Variants in INSR observed in about 807,000 individuals in gnomAD.
The protein encoded by INSR is insulin receptor.
INSR carries 67 observed loss-of-function variants against 142.6 expected under a neutral mutation model. That is an observed-to-expected ratio of 0.47 (90% CI 0.39 to 0.58). The LOEUF (loss-of-function observed/expected upper bound fraction) is 0.58, where lower values mean the gene tolerates loss of function less well. Ranked by LOEUF, INSR falls within the 20% of genes least tolerant of loss-of-function variation. The probability of loss-of-function intolerance (pLI) is 0.00; values close to 1 mark genes in which losing one functional copy is unlikely to be tolerated. For missense variants in INSR, 1,248 were observed against 1,833.2 expected (o/e 0.68, Z 5.83); for synonymous variants, 756 against 743.1 (o/e 1.02, Z -0.28).
intron 1 of INSR, among the ~76,000 whole-genome samples, chr19:7,284,677 C>T (rs549983155): frequency 5.9e-5 from 9 of 152,104 alleles, no homozygotes; most frequent in Non-Finnish European, 8.8e-5. Flanking sequence ...TACAGGCGCC[C>T]GCCACCACAC....
At chr19:7,134,495 G>T (rs933860201) in intron 13 of INSR, among the ~76,000 whole-genome samples, 1 of 151,602 alleles carries the variant, frequency 6.6e-6, no homozygotes, top group South Asian at 2.1e-4. Flanking sequence ...GCCCGGGCAC[G>T]GTGGCTCATG....
At position 7,113,717 on chromosome 19, in the gene INSR, G is replaced by A. The variant is rs1440127682; in HGVS notation, c.*3339C>T. 1 of 152,148 alleles carries A rather than the reference G, an allele frequency of 6.6e-6. No individual in the cohort carries two copies. Among genetic ancestry groups the A allele is most frequent in the Non-Finnish European group, 1.5e-5 (1 of 68,016 alleles). 9.4% of individuals were successfully genotyped at this position (152,148 alleles called of 1,614,324 possible). On this transcript the variant is annotated 3_prime_UTR_variant, in exon 22 of 22. Coordinates refer to ENST00000302850, the MANE Select transcript of INSR (RefSeq NM_000208.4). ...ACAACCGTGTCTTTCTAGGACCAAA[G>A]TTTTATTGTTACAAAGTCAACATTT...
intron 2 of INSR, among the ~76,000 whole-genome samples, chr19:7,197,150 G>A (rs1974771603): frequency 6.6e-6 from 1 of 152,244 alleles, no homozygotes; most frequent in Non-Finnish European, 1.5e-5. Context: ...CTTGAAGCGG[G>A]GAAGCGCCCC....
Position 7,267,983 on chromosome 19 carries a change from T to G in INSR, c.101-87A>C. 8.6e-7 allele frequency: 1 copy of G among 1,162,730 alleles called. No homozygotes were observed. Among genetic ancestry groups the G allele is most frequent in the Non-Finnish European group, 1.3e-6 (1 of 793,114 alleles). 72.0% of individuals were successfully genotyped at this position (1,162,730 alleles called of 1,614,324 possible). A position where few individuals can be genotyped will look rare whatever the true frequency, so the allele number is the denominator to read the frequency against. On this transcript the variant is annotated intron_variant, in intron 1 of 21. Coordinates refer to ENST00000302850, the MANE Select transcript of INSR (RefSeq NM_000208.4). The surrounding 1 kb of genome is among the most constrained non-coding windows in gnomAD (Gnocchi z 6.3). ...AGGATCAGGGGCAGAGCCGGCTTCA[T>G]GGACAGGAAACCTGGGCCCTGTGTT...
chr19:7,222,149 C>CAAA (rs1568496011), intron 2 of INSR, among the ~76,000 whole-genome samples: 1 of 76,236 alleles, frequency 1.3e-5, no homozygotes, highest in African/African-American at 5.5e-5. Context: ...AAAAAAAAAT[C>CAAA]AGGAGTGACC....
chr19:7,174,763 A>C, intron 3 of INSR, 32 bp from the exon 4 acceptor site: 1 of 1,606,354 alleles, frequency 6.2e-7, no homozygotes, highest in Non-Finnish European at 8.5e-7. Flanking sequence ...AGAGAAAGAG[A>C]AAGGGGAGGG....
chr19:7,284,075 T>G (rs113651541), intron 1 of INSR, among the ~76,000 whole-genome samples: 3 of 151,288 alleles, frequency 2.0e-5, no homozygotes, highest in East Asian at 1.9e-4. Flanking sequence ...TTTTTTTGGG[T>G]TTTTTTTGAG....
chr19:7,170,906 G>C (rs1012101843), intron 5 of INSR, among the ~76,000 whole-genome samples, 155 bp from the exon 6 acceptor site: 14 of 152,106 alleles, frequency 9.2e-5, no homozygotes, highest in Non-Finnish European at 1.5e-5. Flanking sequence ...GTTGAATGTG[G>C]ATAACAGAGG....
intron 9 of INSR, among the ~76,000 whole-genome samples, chr19:7,161,050 C>T (rs1191274023): frequency 6.7e-6 from 1 of 148,196 alleles, no homozygotes; most frequent in Non-Finnish European, 1.5e-5. Context: ...AATGTATACA[C>T]ACTAGTTTGA....
chr19:7,172,286 G>A lies in INSR; in HGVS notation c.1268+4C>T, dbSNP rs185806326. ...AGGCCATACACACAATCAGGCCCAC[G>A]TACCCAATTTCCAAGGTCTCTCCTC... On this transcript the variant is annotated splice_donor_region_variant and intron_variant, in intron 5 of 21. Transcript: ENST00000302850. The A allele has an allele frequency of 2.2e-5, 36 of 1,613,940 alleles. 1 individual carries two copies. The highest frequency in any genetic ancestry group is 2.2e-4 in the Admixed American group (13 of 59,986).
chr19:7,136,828 CATAT>C (rs57665258), intron 13 of INSR, among the ~76,000 whole-genome samples: 115,151 of 139,792 alleles, frequency 0.82, 48,249 homozygotes, highest in East Asian at 0.92. Flanking sequence ...TATTTATTTA[CATAT>C]ATATATATAT....
chr19:7,231,888 A>G (rs1362627365), intron 2 of INSR, among the ~76,000 whole-genome samples: 1 of 151,902 alleles, frequency 6.6e-6, no homozygotes, highest in Non-Finnish European at 1.5e-5. Context: ...CTGGGATTAC[A>G]GGCATAAGCC....
At chr19:7,227,802 GTTTTGT>G (rs140475272) in intron 2 of INSR, among the ~76,000 whole-genome samples, 3 of 151,954 alleles carry the variant, frequency 2.0e-5, no homozygotes, top group South Asian at 2.1e-4. Flanking sequence ...GGTACAGATT[GTTTTGT>G]TTTTGTTTTT....
intron 21 of INSR, among the ~76,000 whole-genome samples, chr19:7,118,907 T>C (rs1243609871): frequency 1.0e-5 from 1 of 100,502 alleles, no homozygotes; most frequent in Non-Finnish European, 1.9e-5. Flanking sequence ...AGAGCAAGAT[T>C]CCGTCTCAAA....
Position 7,152,862 on chromosome 19 carries a change from G to C in INSR, c.2095C>G (p.Gln699Glu), listed in dbSNP as rs121913137. The change falls in exon 10 of 22, where the codon CAG becomes GAG. Residue 699 changes from glutamine (Q) to glutamate (E), a missense_variant. Around this residue, in one of 3 missense-constraint regions of INSR, gnomAD observed 1,069 missense variants for 1,654.0 expected, o/e 0.65. Coordinates refer to ENST00000302850, the MANE Select transcript of INSR (RefSeq NM_000208.4). ...CCGGCCGAATCCTCATACTCACTCTGGTTGTGCTTCTGAGAATCTTCAGAC... is the reference window on the plus strand; with the variant it reads ...CCGGCCGAATCCTCATACTCACTCTCGTTGTGCTTCTGAGAATCTTCAGAC... ...FESEDSQKHN[Q>E]SEYEDSAGEC... The C allele has an allele frequency of 1.2e-6, 2 of 1,613,272 alleles. No individual in the cohort carries two copies. Among genetic ancestry groups the C allele is most frequent in the Non-Finnish European group, 1.7e-6 (2 of 1,179,896 alleles).
In INSR at chr19:7,150,862, C is replaced by T; in HGVS notation, c.2232-330G>A. ...CTGGCAGAATTTTTCTTTTCTTTCC[C>T]TTCTTTCTTCTTTCTCTCTCTCTTT... On this transcript the variant is annotated intron_variant, in intron 10 of 21. Transcript: ENST00000302850. This position sits in a 1 kb window ranked among gnomAD's most constrained non-coding sequence, Gnocchi z 4.2. Among the ~76,000 whole-genome samples the T allele has an allele frequency of 6.6e-6, 1 of 151,944 alleles. No individual in the cohort carries two copies. The highest frequency in any genetic ancestry group is 1.9e-4 in the East Asian group (1 of 5,192).
At chr19:7,148,911 C>T (rs888685436) in intron 11 of INSR, among the ~76,000 whole-genome samples, 1 of 150,664 alleles carries the variant, frequency 6.6e-6, no homozygotes, top group Non-Finnish European at 1.5e-5. Flanking sequence ...TCTCCTGCCT[C>T]AGCCTCCCGA....
At chr19:7,261,372 A>T (rs2145196994) in intron 2 of INSR, among the ~76,000 whole-genome samples, 1 of 151,874 alleles carries the variant, frequency 6.6e-6, no homozygotes, top group East Asian at 1.9e-4. Context: ...AACTGCATAG[A>T]CCCCGTCTCC....
chr19:7,221,391 AG>A (rs1975608364), intron 2 of INSR, among the ~76,000 whole-genome samples: 1 of 143,620 alleles, frequency 7.0e-6, no homozygotes, highest in Non-Finnish European at 1.5e-5. Context: ...GAGGAGGAGG[AG>A]GAGGAGGAGG....
Sources: gnomAD v4.1 joint callset for allele counts (sites outside exome capture counted in the v4.1 genomes callset) on GRCh38, gnomAD v4.1.1 for gene constraint, gnomAD v4.1.1 regional missense constraint, Gnocchi (gnomAD v3.1) non-coding constraint, MANE v1.5 for transcripts, NCBI Gene and HGNC (gene_info 2026-07-23, HGNC 2026-07-21) for gene names.